The following FCSK variants were observed in gnomAD, a reference collection of about 807,000 sequenced individuals.
FCSK encodes the protein L-fucose kinase.
Under a neutral mutation model 122.5 loss-of-function variants are expected in FCSK, and 123 were observed. The observed-to-expected ratio is 1.00, with a 90% CI of 0.87 to 1.17. The LOEUF (loss-of-function observed/expected upper bound fraction) is 1.17. Ranked by LOEUF, FCSK falls within the 50% of genes most tolerant of loss-of-function variation. The probability of loss-of-function intolerance (pLI) is 0.00; values close to 1 mark genes in which losing one functional copy is unlikely to be tolerated. For missense variants in FCSK, 1,366 were observed against 1,450.4 expected (o/e 0.94, Z 0.95); for synonymous variants, 620 against 625.5 (o/e 0.99, Z 0.13).
Position 70,473,363 on chromosome 16 carries a change from C to T in FCSK, c.1777+10C>T. 2 of 1,487,520 alleles carry T rather than the reference C, an allele frequency of 1.3e-6. No homozygotes were observed. Among genetic ancestry groups the T allele is most frequent in the South Asian group, 2.6e-5 (2 of 76,118 alleles). 92.1% of individuals were successfully genotyped at this position (1,487,520 alleles called of 1,614,324 possible). A position where few individuals can be genotyped will look rare whatever the true frequency, so the allele number is the denominator to read the frequency against. ...GCCACGCTGGACCAGGGTGAGTGTG[C>T]AGGCTGGTAGTGCTGCAGAATCAGG... On this transcript the variant is annotated intron_variant, in intron 15 of 23. Coordinates refer to ENST00000288078, the MANE Select transcript of FCSK (RefSeq NM_145059.3). This position sits in a 1 kb window ranked among gnomAD's most constrained non-coding sequence, Gnocchi z 4.9.
In FCSK at chr16:70,466,941, T is replaced by C. The variant is rs1352084624; in HGVS notation, c.471T>C (p.Val157=). Residue 157 remains valine, a synonymous_variant, in exon 6 of 24, where the codon GTT becomes GTC. Coordinates refer to ENST00000288078, the MANE Select transcript of FCSK (RefSeq NM_145059.3). Reference sequence around the variant, plus strand: ...GCAGCACCGACATGCTGCTGTCTGTTCCTGCAAATCCTGGTGAGCCTGAGA... The same window carrying C: ...GCAGCACCGACATGCTGCTGTCTGTCCCTGCAAATCCTGGTGAGCCTGAGA... ...WVCSTDMLLS[V]PANPGISWDS... 1 of 1,613,904 alleles carries C rather than the reference T, an allele frequency of 6.2e-7. No homozygotes were observed. The highest frequency in any genetic ancestry group is 8.5e-7 in the Non-Finnish European group (1 of 1,180,008).
intron 1 of FCSK, among the ~76,000 whole-genome samples, chr16:70,455,751 G>T (rs2048074938): frequency 1.3e-5 from 2 of 152,012 alleles, no homozygotes; most frequent in South Asian, 4.1e-4. Flanking sequence ...AATTAGCTGG[G>T]CGTGGTGGTG....
intron 1 of FCSK, among the ~76,000 whole-genome samples, chr16:70,462,807 G>C (rs1160944463): frequency 1.4e-5 from 2 of 146,492 alleles, no homozygotes. Flanking sequence ...GCCACACCCG[G>C]CTAATTTTTG....
intron 2 of FCSK, among the ~76,000 whole-genome samples, 172 bp from the exon 3 acceptor site, chr16:70,463,451 A>C (rs1161855436): frequency 2.6e-5 from 4 of 152,128 alleles, no homozygotes; most frequent in Non-Finnish European, 5.9e-5. Flanking sequence ...TCTCATCTGT[A>C]AGATGGGAGT....
rs762932537 is a variant in FCSK, at chr16:70,467,369, C to T, written c.485-5C>T. 6.9e-6 allele frequency: 11 copies of T among 1,602,370 alleles called. No individual in the cohort carries two copies. The highest frequency in any genetic ancestry group is 1.1e-5 in the South Asian group (1 of 89,108). On this transcript the variant is annotated splice_polypyrimidine_tract_variant and splice_region_variant and intron_variant, in intron 6 of 23. Coordinates refer to ENST00000288078, the MANE Select transcript of FCSK (RefSeq NM_145059.3). The stretch of plus-strand genomic sequence containing the variant: ...TGGGAGCCTCCTGACTGCCCCACCC[C>T]ACAGGTATCAGCTGGGACAGCTTCC...
At chr16:70,455,683 G>C (rs1049023482) in intron 1 of FCSK, among the ~76,000 whole-genome samples, 5 of 152,040 alleles carry the variant, frequency 3.3e-5, no homozygotes, top group South Asian at 4.1e-4. Flanking sequence ...CCTATGGTCA[G>C]GAGTTTGAGA....
rs757457364 is a variant in FCSK, at chr16:70,475,634, T to C, written c.2522-14T>C. On this transcript the variant is annotated splice_polypyrimidine_tract_variant and intron_variant, in intron 19 of 23. Coordinates refer to ENST00000288078, the MANE Select transcript of FCSK (RefSeq NM_145059.3). ...GAGGTGTTTCATGTCTGCTCTCTCCTCTCCGCCCTGCAGGCACCAGCAGCA... is the reference window on the plus strand; with the variant it reads ...GAGGTGTTTCATGTCTGCTCTCTCCCCTCCGCCCTGCAGGCACCAGCAGCA... 2.0e-5 allele frequency: 31 copies of C among 1,578,736 alleles called. No individual in the cohort carries two copies. Among genetic ancestry groups the C allele is most frequent in the Non-Finnish European group, 2.7e-5 (31 of 1,157,956 alleles).
At position 70,471,282 on chromosome 16, in the gene FCSK, G is replaced by C; in HGVS notation, c.1271G>C (p.Gly424Ala). 1.2e-6 allele frequency: 2 copies of C among 1,608,218 alleles called. No individual in the cohort carries two copies. Among genetic ancestry groups the C allele is most frequent in the African/African-American group, 2.7e-5 (2 of 75,006 alleles). ...GAGCTGCGTGACCTTGTCCTGCAGG[G>C]ACACCACACGCGGCTACACGGCTCC... The part of the protein sequence containing the change: ...GRELRDLVLQ[G>A]HHTRLHGSPG... The change falls in exon 13 of 24, where the codon GGA becomes GCA. Residue 424 changes from glycine (G) to alanine (A), a missense_variant. By Grantham distance (60) the Gly-to-Ala change is moderately conservative (BLOSUM62 0). Coordinates refer to ENST00000288078, the MANE Select transcript of FCSK (RefSeq NM_145059.3).
rs906900967 is a variant in FCSK, at chr16:70,479,900, T to C, written c.*220T>C. 8.3e-6 allele frequency: 4 copies of C among 481,202 alleles called. No homozygotes were observed. In the South Asian group the frequency reaches 1.3e-4, roughly 15 times the overall value. 29.8% of individuals were successfully genotyped at this position (481,202 alleles called of 1,614,324 possible). ...ATGTAGCCTCTGTTCCTCCTGGACA[T>C]AGGAAGGTCCCAAGCTTAGTATCCC... On this transcript the variant is annotated 3_prime_UTR_variant, in exon 24 of 24. Coordinates refer to ENST00000288078, the MANE Select transcript of FCSK (RefSeq NM_145059.3).
intron 13 of FCSK, 62 bp downstream of exon 13, chr16:70,471,414 C>T: frequency 1.4e-6 from 2 of 1,466,838 alleles, no homozygotes; most frequent in Admixed American, 2.1e-5. Flanking sequence ...CCAAGGAGTC[C>T]TGGCCCCCAC....
chr16:70,469,457 G>GC, intron 10 of FCSK, 134 bp downstream of exon 10: 1 of 752,624 alleles, frequency 1.3e-6, no homozygotes, highest in Non-Finnish European at 2.1e-6. Flanking sequence ...CTGTGCCAGA[G>GC]CCCCCCACTG....
intron 1 of FCSK, among the ~76,000 whole-genome samples, chr16:70,457,151 A>T (rs2048116075): frequency 6.6e-6 from 1 of 152,038 alleles, no homozygotes; most frequent in Non-Finnish European, 1.5e-5. Context: ...TTAGTAAGGG[A>T]TACTCTCCCC....
At chr16:70,475,834 G>T in intron 20 of FCSK, 67 bp downstream of exon 20, 1 of 1,441,196 alleles carries the variant, frequency 6.9e-7, no homozygotes. Context: ...GGGGGAGTGG[G>T]GCTCCCCTGG....
At chr16:70,471,499 G>A in intron 13 of FCSK, 147 bp downstream of exon 13, 2 of 811,614 alleles carry the variant, frequency 2.5e-6, no homozygotes, top group Non-Finnish European at 3.8e-6. Context: ...AGGAGAGAAT[G>A]AGGGAGGAGA....
intron 5 of FCSK, chr16:70,466,501 T>G: frequency 1.9e-6 from 1 of 522,554 alleles, no homozygotes; most frequent in Non-Finnish European, 3.4e-6. Context: ...ATGACCAGCC[T>G]GGGCAACACA....
chr16:70,473,213 G>C lies in FCSK; in HGVS notation c.1637G>C (p.Arg546Pro). 6.5e-7 allele frequency: 1 copy of C among 1,536,370 alleles called. No homozygotes were observed. Among genetic ancestry groups the C allele is most frequent in the African/African-American group, 1.4e-5 (1 of 73,088 alleles). The stretch of plus-strand genomic sequence containing the variant: ...GATCGGGCTGCCACGCTGGCCTCTC[G>C]CCGGGACCTGTTCTTCCGCCAGGCC... ...CLDRAATLAS[R>P]RDLFFRQALH... The change falls in exon 15 of 24, where the codon CGC becomes CCC. Residue 546 changes from arginine (R) to proline (P), a missense_variant. Transcript: ENST00000288078. This position sits in a 1 kb window ranked among gnomAD's most constrained non-coding sequence, Gnocchi z 4.9.
chr16:70,459,630 C>T (rs1288432256), intron 1 of FCSK, among the ~76,000 whole-genome samples: 1 of 150,668 alleles, frequency 6.6e-6, no homozygotes, highest in African/African-American at 2.4e-5. Flanking sequence ...CAAGTTACTT[C>T]ATCTCTCTGT....
chr16:70,475,743 C>T lies in FCSK; in HGVS notation c.2617C>T (p.His873Tyr), dbSNP rs775567216. The T allele has an allele frequency of 4.4e-6, 7 of 1,593,064 alleles. No homozygotes were observed. Among genetic ancestry groups the T allele is most frequent in the South Asian group, 2.2e-5 (2 of 89,690 alleles). ...GTEALIHAVLHLEQVLTTGGG... is the reference protein window; with the variant it reads ...GTEALIHAVLYLEQVLTTGGG... Reference sequence around the variant, plus strand: ...GGAAGCCCTGATCCACGCAGTGCTGCACCTGGAGCAGGTGCTCACCACTGG... The same window carrying T: ...GGAAGCCCTGATCCACGCAGTGCTGTACCTGGAGCAGGTGCTCACCACTGG... Residue 873 changes from histidine (H) to tyrosine (Y), a missense_variant, in exon 20 of 24, where the codon CAC becomes TAC. His to Tyr is a moderately conservative substitution (Grantham distance 83). Transcript: ENST00000288078.
chr16:70,467,561 C>G, intron 7 of FCSK, 90 bp downstream of exon 7: 2 of 998,290 alleles, frequency 2.0e-6, no homozygotes, highest in South Asian at 1.5e-5. Context: ...AGCCTCTCAT[C>G]CTGGATTTCC....
Sources: allele counts gnomAD v4.1 joint callset (sites outside exome capture counted in the v4.1 genomes callset), GRCh38; gene constraint gnomAD v4.1.1; non-coding constraint Gnocchi (gnomAD v3.1); transcripts MANE v1.5; gene names NCBI Gene and HGNC (gene_info 2026-07-23, HGNC 2026-07-21).